The following TLN2 variants were observed in gnomAD, a reference collection of about 807,000 sequenced individuals.
The protein encoded by TLN2 is talin-2.
Under a neutral mutation model 294.7 loss-of-function variants are expected in TLN2, and 118 were observed. The ratio of observed to expected loss-of-function variants is 0.40; its 90% CI spans 0.34 to 0.47. TLN2 has a LOEUF of 0.47. Among genes scored for constraint, TLN2 ranks in the 20% least tolerant of loss-of-function variants. The probability of loss-of-function intolerance (pLI) is 0.84; values close to 1 mark genes in which losing one functional copy is unlikely to be tolerated. For missense variants in TLN2, 3,083 were observed against 3,282.2 expected, an observed-to-expected ratio of 0.94 and a Z score of 1.48; for synonymous variants, 1,431 against 1,304.5, an observed-to-expected ratio of 1.10 and a Z score of -2.09.
At chr15:62,765,400 C>A (rs1434250865) in intron 40 of TLN2, among the ~76,000 whole-genome samples, 2 of 152,006 alleles carry the variant, frequency 1.3e-5, no homozygotes, top group Non-Finnish European at 2.9e-5. Context: ...TGCCCGCATC[C>A]CTCCCGGCCC....
At chr15:62,703,621 ACGCGCG>A (rs200251505) in intron 19 of TLN2, among the ~76,000 whole-genome samples, 3 of 147,318 alleles carry the variant, frequency 2.0e-5, no homozygotes, top group Admixed American at 1.3e-4. Context: ...ACACACACAC[ACGCGCG>A]CACACACACA....
At chr15:62,578,629 A>AT (rs2044643957) in intron 1 of TLN2, among the ~76,000 whole-genome samples, 1 of 152,194 alleles carries the variant, frequency 6.6e-6, no homozygotes, top group Non-Finnish European at 1.5e-5. Flanking sequence ...CTTTAAAGAA[A>AT]TACAGGAAAG....
chr15:62,433,937 C>T (rs1454327633), intron 1 of TLN2, among the ~76,000 whole-genome samples: 8 of 151,920 alleles, frequency 5.3e-5, no homozygotes, highest in African/African-American at 1.9e-4. Context: ...TGCAGTGAGC[C>T]GAGATCACGC....
intron 2 of TLN2, among the ~76,000 whole-genome samples, chr15:62,615,407 G>C (rs1360129826): frequency 6.6e-6 from 1 of 152,172 alleles, no homozygotes; most frequent in African/African-American, 2.4e-5. Flanking sequence ...TACTCTAGCA[G>C]GCCTACCATG....
At chr15:62,795,020 T>C (rs1029690474) in intron 46 of TLN2, among the ~76,000 whole-genome samples, 1 of 152,106 alleles carries the variant, frequency 6.6e-6, no homozygotes, top group Non-Finnish European at 1.5e-5. Flanking sequence ...ATTGGGTGCA[T>C]TGGGCCATCC....
intron 1 of TLN2, among the ~76,000 whole-genome samples, chr15:62,543,753 C>CAA (rs11386820): frequency 0.033 from 3,641 of 110,038 alleles, 64 homozygotes; most frequent in Middle Eastern, 0.045. Context: ...GATTCTGTCT[C>CAA]AAAAAAAAAA....
intron 37 of TLN2, among the ~76,000 whole-genome samples, chr15:62,756,980 C>T (rs544786789): frequency 6.6e-6 from 1 of 152,264 alleles, no homozygotes; most frequent in East Asian, 1.9e-4. Flanking sequence ...AAGCCAGTGT[C>T]CAGGTTCCCC....
At position 62,673,895 on chromosome 15, in the gene TLN2, T is replaced by C; in HGVS notation, c.852+5T>C. 6.2e-7 allele frequency: 1 copy of C among 1,612,122 alleles called. No homozygotes were observed. Among genetic ancestry groups the C allele is most frequent in the Non-Finnish European group, 8.5e-7 (1 of 1,178,506 alleles). ...GCTGAAAAGAGGATCTTTCAGGTATTGGAAATGTACAGAACTTTATTATTC... is the reference window on the plus strand; with the variant it reads ...GCTGAAAAGAGGATCTTTCAGGTATCGGAAATGTACAGAACTTTATTATTC... On this transcript the variant is annotated splice_donor_5th_base_variant and intron_variant, in intron 10 of 58. Coordinates refer to ENST00000636159, the MANE Select transcript of TLN2 (RefSeq NM_015059.3).
intron 1 of TLN2, among the ~76,000 whole-genome samples, chr15:62,506,264 A>C (rs1017115191): frequency 2.7e-5 from 4 of 150,612 alleles, no homozygotes; most frequent in African/African-American, 9.7e-5. Context: ...CACATTATCT[A>C]GTGGCTGCTG....
At chr15:62,647,059 A>G (rs2051956812) in intron 3 of TLN2, among the ~76,000 whole-genome samples, 1 of 152,214 alleles carries the variant, frequency 6.6e-6, no homozygotes, top group Admixed American at 6.5e-5. Flanking sequence ...CCCTGTAGTA[A>G]TAACTCTTAG....
intron 1 of TLN2, among the ~76,000 whole-genome samples, chr15:62,481,900 G>A (rs1037375347): frequency 2.0e-5 from 3 of 149,844 alleles, no homozygotes; most frequent in Non-Finnish European, 3.0e-5. Flanking sequence ...GGGTTCAGGC[G>A]ATTCTCCTGC....
chr15:62,722,625 C>T (rs567785909), intron 26 of TLN2, 138 bp downstream of exon 26: 2 of 1,156,484 alleles, frequency 1.7e-6, no homozygotes, highest in South Asian at 2.7e-5. Context: ...TTAAAGATGC[C>T]CCTGTGGGTT....
intron 6 of TLN2, among the ~76,000 whole-genome samples, chr15:62,652,901 A>G (rs1300759801): frequency 6.6e-6 from 1 of 152,196 alleles, no homozygotes; most frequent in East Asian, 1.9e-4. Flanking sequence ...AGAGGAAATC[A>G]GAGTCTGATT....
chr15:62,785,667 G>C (rs3985681), intron 45 of TLN2, among the ~76,000 whole-genome samples: 1 of 144,586 alleles, frequency 6.9e-6, no homozygotes, highest in Non-Finnish European at 1.5e-5. Flanking sequence ...AAAAAAAAAA[G>C]GGGAAGAAGT....
intron 1 of TLN2, among the ~76,000 whole-genome samples, chr15:62,489,285 A>G (rs1020609146): frequency 6.6e-6 from 1 of 152,202 alleles, no homozygotes; most frequent in African/African-American, 2.4e-5. Flanking sequence ...GGTATCTTCA[A>G]TGATTCATAA....
In TLN2 at chr15:62,844,270, A is replaced by G. The variant is rs140270672; in HGVS notation, c.*3660A>G. ...CCATCTTTCTGAGCCTCTGCTTGGT[A>G]TGTCATGTTTATGGTCACTACGGAT... On this transcript the variant is annotated 3_prime_UTR_variant, in exon 59 of 59. Transcript: ENST00000636159. 2.1e-4 allele frequency: 32 copies of G among 152,146 alleles called. No homozygotes were observed. Among genetic ancestry groups the G allele is most frequent in the African/African-American group, 6.5e-4 (27 of 41,490 alleles). 9.4% of individuals were successfully genotyped at this position (152,146 alleles called of 1,614,324 possible).
chr15:62,419,944 A>G (rs925270009), intron 1 of TLN2, among the ~76,000 whole-genome samples: 6 of 151,964 alleles, frequency 3.9e-5, no homozygotes, highest in African/African-American at 1.5e-4. Context: ...TTTCTTGACA[A>G]CCCAAGGGGC....
At chr15:62,814,457 G>A (rs928827385) in intron 52 of TLN2, among the ~76,000 whole-genome samples, 1 of 150,834 alleles carries the variant, frequency 6.6e-6, no homozygotes, top group African/African-American at 2.4e-5. Flanking sequence ...TTTATAGAAT[G>A]TTAAAGAGTG....
chr15:62,464,722 C>G (rs1447827275), intron 1 of TLN2, among the ~76,000 whole-genome samples: 1 of 152,020 alleles, frequency 6.6e-6, no homozygotes, highest in African/African-American at 2.4e-5. Context: ...CACTTTTATT[C>G]TTGTTCATGT....
Sources: gnomAD v4.1 joint callset for allele counts (sites outside exome capture counted in the v4.1 genomes callset) on GRCh38, gnomAD v4.1.1 for gene constraint, MANE v1.5 for transcripts, NCBI Gene and HGNC (gene_info 2026-07-23, HGNC 2026-07-21) for gene names.